NRF1: variants seen among roughly 807,000 people sequenced by gnomAD.
NRF1 encodes the protein alpha palindromic-binding protein.
A neutral mutation model predicts 58.5 loss-of-function variants in NRF1; 5 were observed. The ratio of observed to expected loss-of-function variants is 0.09; its 90% CI spans 0.04 to 0.18. The LOEUF (loss-of-function observed/expected upper bound fraction) is 0.18. Ranked by LOEUF, NRF1 falls within the 10% of genes least tolerant of loss-of-function variation. The pLI is 1.00. For missense variants in NRF1, 288 were observed against 657.7 expected, an observed-to-expected ratio of 0.44 and a Z score of 6.15; for synonymous variants, 224 against 246.7, an observed-to-expected ratio of 0.91 and a Z score of 0.86.
chr7:129,671,389 A>C, intron 2 of NRF1, 40 bp from the exon 3 acceptor site: 1 of 1,290,064 alleles, frequency 7.8e-7, no homozygotes. Flanking sequence ...AACAGTTTAC[A>C]GGCAGCTGCC....
chr7:129,726,995 G>A (rs969859993), intron 9 of NRF1, among the ~76,000 whole-genome samples: 7 of 152,184 alleles, frequency 4.6e-5, no homozygotes, highest in Non-Finnish European at 7.3e-5. Context: ...CTCAATTACC[G>A]AGGTTCTGAG....
At chr7:129,684,151 G>T (rs1802391417) in intron 4 of NRF1, among the ~76,000 whole-genome samples, 1 of 152,150 alleles carries the variant, frequency 6.6e-6, no homozygotes, top group South Asian at 2.1e-4. Context: ...AGAAAAAATA[G>T]AATAAATAAA....
At chr7:129,619,655 C>T (rs1268176922) in intron 1 of NRF1, among the ~76,000 whole-genome samples, 1 of 149,082 alleles carries the variant, frequency 6.7e-6, no homozygotes, top group Non-Finnish European at 1.5e-5. Flanking sequence ...TGTCTCTCTG[C>T]AATGGGAGTT....
chr7:129,614,003 C>T (rs1474189930), intron 1 of NRF1, among the ~76,000 whole-genome samples: 1 of 152,196 alleles, frequency 6.6e-6, no homozygotes, highest in East Asian at 1.9e-4. Flanking sequence ...CAGCCTCAAA[C>T]TCGACATATA....
intron 5 of NRF1, among the ~76,000 whole-genome samples, chr7:129,701,114 A>G (rs1455815167): frequency 6.6e-6 from 1 of 152,204 alleles, no homozygotes; most frequent in Non-Finnish European, 1.5e-5. Context: ...ATGACAATTA[A>G]TATCCAGAGC....
chr7:129,742,275 T>TAAAAA (rs71167214), intron 10 of NRF1, among the ~76,000 whole-genome samples: 10 of 126,796 alleles, frequency 7.9e-5, no homozygotes, highest in South Asian at 2.6e-4. Flanking sequence ...TGAAATTGAT[T>TAAAAA]AAAAAAAAAA....
chr7:129,679,340 C>T (rs900842108), intron 4 of NRF1, among the ~76,000 whole-genome samples: 1 of 152,102 alleles, frequency 6.6e-6, no homozygotes, highest in Non-Finnish European at 1.5e-5. Context: ...GAAAAGACAA[C>T]ATGCAGAGTG....
intron 1 of NRF1, among the ~76,000 whole-genome samples, chr7:129,641,384 G>A (rs1003224006): frequency 2.0e-5 from 3 of 151,898 alleles, no homozygotes; most frequent in Non-Finnish European, 4.4e-5. Context: ...TTGGAAAATG[G>A]GATTGTAAAT....
At chr7:129,710,871 G>A (rs1376689558) in intron 7 of NRF1, among the ~76,000 whole-genome samples, 5 of 151,164 alleles carry the variant, frequency 3.3e-5, no homozygotes, top group Admixed American at 2.0e-4. Context: ...TCAACCTCCC[G>A]GGCTCAAGTG....
intron 1 of NRF1, among the ~76,000 whole-genome samples, chr7:129,632,996 C>G (rs943463555): frequency 1.5e-5 from 2 of 134,308 alleles, no homozygotes; most frequent in South Asian, 4.6e-4. Context: ...CATAAAATTG[C>G]AAAACAGCTA....
chr7:129,638,100 G>GTT (rs879837299), intron 1 of NRF1, among the ~76,000 whole-genome samples: 2 of 144,298 alleles, frequency 1.4e-5, no homozygotes, highest in Non-Finnish European at 1.5e-5. Flanking sequence ...TACTGGCACA[G>GTT]TTTTTTTTTT....
intron 2 of NRF1, 129 bp from the exon 3 acceptor site, chr7:129,671,300 A>C (rs1449535330): frequency 6.8e-6 from 4 of 591,508 alleles, no homozygotes; most frequent in Admixed American, 6.1e-5. Context: ...TGATAATATC[A>C]GGATCATTCT....
intron 1 of NRF1, among the ~76,000 whole-genome samples, chr7:129,646,630 G>A (rs1385359455): frequency 2.0e-5 from 3 of 152,180 alleles, no homozygotes; most frequent in African/African-American, 7.2e-5. Flanking sequence ...CTGGAGTTGG[G>A]AGGTGCAACA....
chr7:129,640,438 A>C (rs965156746), intron 1 of NRF1, among the ~76,000 whole-genome samples: 49 of 152,006 alleles, frequency 3.2e-4, no homozygotes, highest in African/African-American at 1.0e-3. Context: ...GGGTCCCAGG[A>C]GGTCAAGGCT....
intron 1 of NRF1, among the ~76,000 whole-genome samples, chr7:129,637,841 CATT>C (rs1419081379): frequency 6.9e-6 from 1 of 145,350 alleles, no homozygotes; most frequent in African/African-American, 2.4e-5. Flanking sequence ...TTTCTTAAAA[CATT>C]ATGAGATTTT....
chr7:129,612,268 C>A (rs1178468467), intron 1 of NRF1, among the ~76,000 whole-genome samples: 1 of 146,188 alleles, frequency 6.8e-6, no homozygotes, highest in African/African-American at 2.5e-5. Flanking sequence ...TCTCGGCTCG[C>A]CCCCTCGGCC....
At chr7:129,619,934 G>A (rs1259649467) in intron 1 of NRF1, among the ~76,000 whole-genome samples, 1 of 151,966 alleles carries the variant, frequency 6.6e-6, no homozygotes, top group Non-Finnish European at 1.5e-5. Context: ...GTGTGACCCT[G>A]AATCCCTTAA....
intron 10 of NRF1, among the ~76,000 whole-genome samples, chr7:129,746,749 C>T (rs1231320867): frequency 6.6e-6 from 1 of 152,186 alleles, no homozygotes; most frequent in Non-Finnish European, 1.5e-5. Flanking sequence ...CGTTCATGTT[C>T]ATAAACTAAA....
intron 4 of NRF1, among the ~76,000 whole-genome samples, chr7:129,687,988 A>G (rs1300647469): frequency 6.6e-6 from 1 of 152,260 alleles, no homozygotes; most frequent in Non-Finnish European, 1.5e-5. Flanking sequence ...AAGATGTTTT[A>G]AAAGAATTAT....
Sources: allele counts gnomAD v4.1 joint callset (sites outside exome capture counted in the v4.1 genomes callset), GRCh38; gene constraint gnomAD v4.1.1; transcripts MANE v1.5; gene names NCBI Gene and HGNC (gene_info 2026-07-23, HGNC 2026-07-21).